Variants in LOXHD1 observed in about 807,000 individuals in gnomAD.
LOXHD1 encodes the protein lipoxygenase homology PLAT domains 1, also known as lipoxygenase homology domain-containing protein 1.
A neutral mutation model predicts 248.2 loss-of-function variants in LOXHD1; 205 were observed. The ratio of observed to expected loss-of-function variants is 0.83; its 90% CI spans 0.74 to 0.93. The LOEUF (loss-of-function observed/expected upper bound fraction) is 0.93, where lower values mean the gene tolerates loss of function less well. Among genes scored for constraint, LOXHD1 ranks in the 40% least tolerant of loss-of-function variants. LOXHD1 has a pLI of 0.00. For missense variants in LOXHD1, 2,930 were observed against 2,971.6 expected, an observed-to-expected ratio of 0.99 and a Z score of 0.33; for synonymous variants, 1,113 against 1,162.8, an observed-to-expected ratio of 0.96 and a Z score of 0.87.
Position 46,483,704 on chromosome 18 carries a change from C to T in LOXHD1, c.6224G>A (p.Gly2075Glu), listed in dbSNP as rs1442825433. Residue 2075 changes from glycine to glutamate, a missense_variant, in exon 40 of 41, where the codon GGG (glycine) becomes GAG (glutamate). Transcript: ENST00000642948. ...GCCCACACAGAGGGAGGCAATGTCC[C>T]CCAAGTAGATGCTGTCAAACTCAAA... ...DTFEFDSIYL[G>E]DIASLCVGHL... 2.6e-6 allele frequency: 4 copies of T among 1,551,616 alleles called. No individual in the cohort carries two copies. In the East Asian group the frequency reaches 9.8e-5, roughly 38 times the overall value.
At chr18:46,601,600 C>T (rs1753842022) in intron 7 of LOXHD1, 133 bp from the exon 8 acceptor site, 1 of 1,252,010 alleles carries the variant, frequency 8.0e-7, no homozygotes, top group South Asian at 1.3e-5. Flanking sequence ...CCATCATGTC[C>T]TACTCCTCCA....
At chr18:46,546,303 C>T (rs1943184086) in intron 22 of LOXHD1, among the ~76,000 whole-genome samples, 1 of 152,092 alleles carries the variant, frequency 6.6e-6, no homozygotes, top group South Asian at 2.1e-4. Flanking sequence ...TACTCCATTC[C>T]ATTCTACTCC....
chr18:46,489,327 C>T (rs1376482070), intron 37 of LOXHD1, among the ~76,000 whole-genome samples, 185 bp from the exon 38 acceptor site: 1 of 152,074 alleles, frequency 6.6e-6, no homozygotes, highest in African/African-American at 2.4e-5. Context: ...TCCTCCAGCA[C>T]AGAGGATATA....
intron 14 of LOXHD1, among the ~76,000 whole-genome samples, chr18:46,577,106 C>T (rs892463720): frequency 6.6e-6 from 1 of 152,152 alleles, no homozygotes; most frequent in African/African-American, 2.4e-5. Context: ...TGTGAATCCT[C>T]CAGACATTGC....
At chr18:46,478,777 C>T (rs1364337685) in intron 40 of LOXHD1, among the ~76,000 whole-genome samples, 1 of 152,154 alleles carries the variant, frequency 6.6e-6, no homozygotes, top group Non-Finnish European at 1.5e-5. Flanking sequence ...ACTATAACCT[C>T]GAACTCCTGG....
chr18:46,644,765 A>G (rs1020221792), intron 2 of LOXHD1, among the ~76,000 whole-genome samples: 1 of 152,120 alleles, frequency 6.6e-6, no homozygotes, highest in African/African-American at 2.4e-5. Context: ...ATTACCTTCC[A>G]GTGACCAGGC....
At chr18:46,654,173 G>T (rs143341304) in intron 1 of LOXHD1, among the ~76,000 whole-genome samples, 1 of 152,176 alleles carries the variant, frequency 6.6e-6, no homozygotes, top group African/African-American at 2.4e-5. Context: ...CCAGATACTG[G>T]CACCTTGATC....
intron 20 of LOXHD1, 167 bp downstream of exon 20, chr18:46,559,281 C>T (rs1422320820): frequency 1.3e-5 from 20 of 1,537,224 alleles, no homozygotes; most frequent in Non-Finnish European, 1.7e-5. Context: ...CATAACCCCT[C>T]CACAAAGTAT....
At chr18:46,610,379 A>T (rs1394490807) in intron 6 of LOXHD1, among the ~76,000 whole-genome samples, 1 of 149,062 alleles carries the variant, frequency 6.7e-6, no homozygotes, top group Non-Finnish European at 1.5e-5. Context: ...GGCGGGGAAC[A>T]TCACACACCG....
At chr18:46,545,229 T>G in intron 23 of LOXHD1, 88 bp downstream of exon 23, 1 of 926,644 alleles carries the variant, frequency 1.1e-6, no homozygotes, top group East Asian at 2.6e-5. Context: ...AAAGCATAAT[T>G]AGGATTCCCC....
rs925740777 is a variant in LOXHD1, at chr18:46,545,413, T to G, written c.3523A>C (p.Thr1175Pro). The G allele has an allele frequency of 6.5e-7, 1 of 1,547,282 alleles. No individual in the cohort carries two copies. The highest frequency in any genetic ancestry group is 1.4e-5 in the African/African-American group (1 of 73,036). The change falls in exon 23 of 41, where the codon ACC (threonine) becomes CCC (proline). Residue 1175 changes from threonine to proline, a missense_variant. Transcript: ENST00000642948. ...NLALEQKDKS[T>P]TFSVTIKTGV... ...GTCTTTATGGTCACTGAGAATGTGG[T>G]AGATTTATCTGCCAAGAGAATAGTA...
chr18:46,592,657 C>G, intron 10 of LOXHD1, 73 bp from the exon 11 acceptor site: 1 of 1,279,856 alleles, frequency 7.8e-7, no homozygotes, highest in Non-Finnish European at 1.1e-6. Flanking sequence ...CTGACCCACT[C>G]TCAGGAGGGT....
intron 39 of LOXHD1, 133 bp downstream of exon 39, chr18:46,484,886 C>G (rs1473942653): frequency 3.5e-5 from 39 of 1,108,584 alleles, no homozygotes; most frequent in Non-Finnish European, 3.8e-5. Context: ...GATTGGCACA[C>G]AGTAGGTGCT....
At chr18:46,496,051 A>G (rs565178833) in intron 37 of LOXHD1, among the ~76,000 whole-genome samples, 18 of 152,268 alleles carry the variant, frequency 1.2e-4, no homozygotes, top group African/African-American at 3.9e-4. Flanking sequence ...AAATAGGAAC[A>G]CACTATGTTT....
chr18:46,600,798 C>T (rs565666429), intron 8 of LOXHD1, among the ~76,000 whole-genome samples: 8 of 152,276 alleles, frequency 5.3e-5, no homozygotes, highest in Admixed American at 4.6e-4. Flanking sequence ...GTGTGATAGA[C>T]AAAATTGAGG....
intron 34 of LOXHD1, among the ~76,000 whole-genome samples, chr18:46,517,618 T>C (rs2035328987): frequency 6.6e-6 from 1 of 152,188 alleles, no homozygotes; most frequent in African/African-American, 2.4e-5. Flanking sequence ...GGTTATATCA[T>C]CTCTTCAGTG....
rs1255055927 is a variant in LOXHD1, at chr18:46,656,984, G to A, written c.50C>T (p.Ala17Val). ...RRRKKDIDFLALYEAELLNYA... is the reference protein window; with the variant it reads ...RRRKKDIDFLVLYEAELLNYA... ...GTTCAGCAGCTCCGCTTCGTACAGG[G>A]CCAGGAAGTCGATGTCCTTCTTCCT... Residue 17 changes from alanine to valine, a missense_variant, in exon 1 of 41, where the codon GCC becomes GTC. Coordinates refer to ENST00000642948, the MANE Select transcript of LOXHD1 (RefSeq NM_001384474.1). 3 of 1,551,528 alleles carry A rather than the reference G, an allele frequency of 1.9e-6. No homozygotes were observed. Among genetic ancestry groups the A allele is most frequent in the African/African-American group, 2.7e-5 (2 of 73,042 alleles).
intron 25 of LOXHD1, 140 bp from the exon 26 acceptor site, chr18:46,538,477 G>A: frequency 7.1e-6 from 6 of 847,756 alleles, no homozygotes; most frequent in Non-Finnish European, 1.1e-5. Context: ...GCTGCTCAGG[G>A]ACCTGGACCT....
chr18:46,529,453 T>C, intron 28 of LOXHD1, 122 bp from the exon 29 acceptor site: 1 of 1,132,594 alleles, frequency 8.8e-7, no homozygotes, highest in East Asian at 2.6e-5. Context: ...AAGGGGTTAA[T>C]GCCTTCCTTT....
Sources: gnomAD v4.1 joint callset for allele counts (sites outside exome capture counted in the v4.1 genomes callset) on GRCh38, gnomAD v4.1.1 for gene constraint, MANE v1.5 for transcripts, NCBI Gene and HGNC (gene_info 2026-07-23, HGNC 2026-07-21) for gene names.